Variants in SH2D4B observed in about 807,000 individuals in gnomAD.
The protein encoded by SH2D4B is SH2 domain-containing protein 4B.
A neutral mutation model predicts 61.5 loss-of-function variants in SH2D4B; 45 were observed. The ratio of observed to expected loss-of-function variants is 0.73; its 90% CI spans 0.58 to 0.94. SH2D4B has a LOEUF of 0.94. Among genes scored for constraint, SH2D4B ranks in the 40% least tolerant of loss-of-function variants. The pLI is 0.00. For synonymous variants in SH2D4B, 224 were observed against 220.4 expected (o/e 1.02, Z -0.14); for missense variants, 572 against 574.2 (o/e 1.00, Z 0.04).
At chr10:80,542,957 G>C (rs1466085627) in intron 1 of SH2D4B, among the ~76,000 whole-genome samples, 1 of 152,218 alleles carries the variant, frequency 6.6e-6, no homozygotes, top group Non-Finnish European at 1.5e-5. Context: ...AGCCCAGTGG[G>C]GTTCCAGCCT....
chr10:80,604,984 G>A (rs1232270850), intron 5 of SH2D4B, among the ~76,000 whole-genome samples: 8 of 152,220 alleles, frequency 5.3e-5, no homozygotes, highest in Non-Finnish European at 1.5e-5. Context: ...TAGTAGAGAT[G>A]GGGTTTCACT....
intron 4 of SH2D4B, among the ~76,000 whole-genome samples, chr10:80,599,859 G>T (rs1368020673): frequency 2.6e-5 from 4 of 152,042 alleles, no homozygotes; most frequent in Non-Finnish European, 5.9e-5. Context: ...CCTCCCTAGG[G>T]GTCAGAGGCT....
chr10:80,568,735 G>A (rs1320699603), intron 1 of SH2D4B, among the ~76,000 whole-genome samples: 1 of 152,180 alleles, frequency 6.6e-6, no homozygotes, highest in Non-Finnish European at 1.5e-5. Context: ...TCAAATTTCT[G>A]TATTTGTTCT....
At chr10:80,598,127 T>C (rs945604779) in intron 4 of SH2D4B, among the ~76,000 whole-genome samples, 3 of 152,214 alleles carry the variant, frequency 2.0e-5, no homozygotes, top group Admixed American at 6.5e-5. Context: ...CACTTACTAG[T>C]GTGGCCTTGA....
intron 6 of SH2D4B, among the ~76,000 whole-genome samples, chr10:80,617,910 G>A (rs1842678029): frequency 6.6e-6 from 1 of 152,218 alleles, no homozygotes; most frequent in Non-Finnish European, 1.5e-5. Context: ...CCAATAGTCT[G>A]CTTTGTTGGG....
intron 3 of SH2D4B, among the ~76,000 whole-genome samples, chr10:80,572,979 T>TAC (rs1564771991): frequency 9.1e-5 from 1 of 11,016 alleles, no homozygotes; most frequent in African/African-American, 5.3e-4. Context: ...TATATATATA[T>TAC]ATATATATTT....
intron 1 of SH2D4B, among the ~76,000 whole-genome samples, chr10:80,541,188 G>T (rs75870417): frequency 0.026 from 3,939 of 152,218 alleles, 166 homozygotes; most frequent in African/African-American, 0.091. Context: ...AGATTTCAGG[G>T]AACCCCCTGG....
At chr10:80,542,231 T>C (rs965183721) in intron 1 of SH2D4B, among the ~76,000 whole-genome samples, 1 of 151,976 alleles carries the variant, frequency 6.6e-6, no homozygotes, top group Non-Finnish European at 1.5e-5. Flanking sequence ...ATGCACATCC[T>C]GTGTTAGGAA....
At chr10:80,543,137 C>T (rs1364810785) in intron 1 of SH2D4B, among the ~76,000 whole-genome samples, 1 of 152,214 alleles carries the variant, frequency 6.6e-6, no homozygotes, top group Non-Finnish European at 1.5e-5. Context: ...CTCGGTGCCT[C>T]CTCTGCCTGG....
At position 80,588,629 on chromosome 10, in the gene SH2D4B, G is replaced by A; in HGVS notation, c.496-1G>A. 3.7e-6 allele frequency: 6 copies of A among 1,613,698 alleles called. No homozygotes were observed. Among genetic ancestry groups the A allele is most frequent in the Non-Finnish European group, 5.1e-6 (6 of 1,179,978 alleles). On this transcript the variant is annotated splice_acceptor_variant, in intron 3 of 7. Transcript: ENST00000646907. LOFTEE classifies it high-confidence loss of function. ...GTTGTTCTGTTCCCATGACATTTTA[G>A]AGGAAAGAGGAAGAGGAGAGGAAGC... is the stretch of plus-strand genomic sequence containing the variant.
At chr10:80,578,515 A>G (rs1176883855) in intron 3 of SH2D4B, among the ~76,000 whole-genome samples, 1 of 152,128 alleles carries the variant, frequency 6.6e-6, no homozygotes, top group African/African-American at 2.4e-5. Flanking sequence ...AGGTCTGGGC[A>G]TGAGCAAGCA....
intron 1 of SH2D4B, among the ~76,000 whole-genome samples, chr10:80,562,552 C>T (rs948873144): frequency 1.2e-4 from 19 of 152,166 alleles, no homozygotes; most frequent in Non-Finnish European, 2.1e-4. Flanking sequence ...GATTCCATAT[C>T]TTGGCTATTG....
rs147904292 is a variant in SH2D4B at position 80,615,678 on chromosome 10, C to G, written c.988+6127C>G. ...AGGGAGAGAGTGTGCCAGTCCAAAC[C>G]CCTGTTCTTGGCTTCCAGGATTAGT... On this transcript the variant is annotated intron_variant, in intron 6 of 7. Transcript: ENST00000646907. 2.9e-3 allele frequency among the ~76,000 whole-genome samples: 448 copies of G among 152,012 alleles called. 3 individuals carry two copies. The highest frequency in any genetic ancestry group is 0.01 in the African/African-American group (435 of 41,448).
At position 80,543,346 on chromosome 10, in the gene SH2D4B, C is replaced by G. The variant is rs568057943; in HGVS notation, c.184+4831C>G. 8.8e-3 allele frequency among the ~76,000 whole-genome samples: 1,341 copies of G among 152,160 alleles called. 16 individuals are homozygous for G. Among genetic ancestry groups the G allele is most frequent in the African/African-American group, 0.03 (1,264 of 41,492 alleles). On this transcript the variant is annotated intron_variant, in intron 1 of 7. Transcript: ENST00000646907. ...GGGCGGACCCCGCACTCGGAGCGGCCGGCCACCTGGCCGGCCCCACCGGCC... is the reference window on the plus strand; with the variant it reads ...GGGCGGACCCCGCACTCGGAGCGGCGGGCCACCTGGCCGGCCCCACCGGCC...
At chr10:80,618,835 C>G (rs756875689) in intron 6 of SH2D4B, among the ~76,000 whole-genome samples, 2 of 151,912 alleles carry the variant, frequency 1.3e-5, no homozygotes, top group Non-Finnish European at 2.9e-5. Flanking sequence ...TTTGGTTACT[C>G]AGGTTCAATT....
intron 6 of SH2D4B, among the ~76,000 whole-genome samples, chr10:80,630,200 A>G (rs186661869): frequency 5.9e-5 from 9 of 152,302 alleles, no homozygotes; most frequent in African/African-American, 2.2e-4. Flanking sequence ...CAGAGCAAAG[A>G]CTGCCTGCTA....
chr10:80,560,777 G>A (rs571146064), intron 1 of SH2D4B, among the ~76,000 whole-genome samples: 3 of 120,968 alleles, frequency 2.5e-5, no homozygotes, highest in African/African-American at 9.5e-5. Flanking sequence ...TCAAAGTGTT[G>A]TTCCTGAATT....
chr10:80,580,417 G>T (rs926612631), intron 3 of SH2D4B, among the ~76,000 whole-genome samples: 4 of 152,174 alleles, frequency 2.6e-5, no homozygotes, highest in African/African-American at 9.7e-5. Context: ...ACTACTCTGT[G>T]GTCGGTGGTC....
chr10:80,600,078 T>G (rs1842433896), intron 4 of SH2D4B, among the ~76,000 whole-genome samples: 1 of 152,194 alleles, frequency 6.6e-6, no homozygotes, highest in African/African-American at 2.4e-5. Context: ...AAGCCCGCCA[T>G]GTACTGTCCC....
Sources: gnomAD v4.1 joint callset for allele counts (sites outside exome capture counted in the v4.1 genomes callset) on GRCh38, gnomAD v4.1.1 for gene constraint, MANE v1.5 for transcripts, NCBI Gene and HGNC (gene_info 2026-07-23, HGNC 2026-07-21) for gene names.